COPS5: variants seen among roughly 807,000 people sequenced by gnomAD.
COPS5 encodes COP9 signalosome complex subunit 5.
A neutral mutation model predicts 44.4 loss-of-function variants in COPS5; 8 were observed. The observed-to-expected ratio is 0.18, with a 90% confidence interval of 0.11 to 0.32. The LOEUF is 0.32. Ranked by LOEUF, COPS5 falls within the 10% of genes least tolerant of loss-of-function variation. COPS5 has a pLI of 1.00. For synonymous variants in COPS5, 122 were observed against 142.8 expected (o/e 0.85, Z 1.04); for missense variants, 159 against 406.4 (o/e 0.39, Z 5.23).
chr8:67,057,932 T>C, intron 3 of COPS5, 151 bp downstream of exon 3: 1 of 788,208 alleles, frequency 1.3e-6, no homozygotes. Flanking sequence ...TTGCTCAAAG[T>C]CCCAGCTTCT....
chr8:67,043,198 A>C lies in COPS5; in HGVS notation c.*35T>G. ...AGTGTTACTTGAATATTTTTCTCAT[A>C]CTGTCTTTCAGGTAAAGTACTTCTC... On this transcript the variant is annotated 3_prime_UTR_variant, in exon 8 of 8. Transcript: ENST00000357849. The C allele has an allele frequency of 1.6e-6, 2 of 1,231,536 alleles. No individual in the cohort carries two copies. The highest frequency in any genetic ancestry group is 1.3e-5 in the South Asian group (1 of 77,542). 76.3% of individuals were successfully genotyped at this position (1,231,536 alleles called of 1,614,324 possible).
Position 67,045,852 on chromosome 8 carries a change from G to A in COPS5, c.880C>T (p.Arg294Ter). The A allele has an allele frequency of 6.2e-7, 1 of 1,613,982 alleles. No individual in the cohort carries two copies. Among genetic ancestry groups the A allele is most frequent in the Non-Finnish European group, 8.5e-7 (1 of 1,179,994 alleles). ...TTGGCAAGTTTGTCTTCTGATTTTC[G>A]GTCATGCGTTTCTAAACCCAACATG... ...SFMLGLETHD[R>*]KSEDKLAKAT... is the part of the protein sequence containing the mutation. Residue 294 changes from arginine (R) to a stop codon, truncating the protein, a stop_gained, in exon 7 of 8, where the codon CGA (arginine) becomes TGA (stop). Coordinates refer to ENST00000357849, the MANE Select transcript of COPS5 (RefSeq NM_006837.3). LOFTEE classifies it high-confidence loss of function.
intron 7 of COPS5, chr8:67,044,601 T>G (rs1340813808): frequency 6.6e-6 from 1 of 152,032 alleles, no homozygotes; most frequent in Non-Finnish European, 1.5e-5. Flanking sequence ...TTTCTTTTCT[T>G]TCTTTTTTTT....
chr8:67,053,317 C>G (rs1804447095), intron 5 of COPS5, among the ~76,000 whole-genome samples: 1 of 151,272 alleles, frequency 6.6e-6, no homozygotes, highest in African/African-American at 2.4e-5. Context: ...TCTCGAACTC[C>G]TGACCTCAAG....
chr8:67,047,212 ACAGT>A (rs781042613), intron 6 of COPS5, among the ~76,000 whole-genome samples: 3 of 152,258 alleles, frequency 2.0e-5, no homozygotes, highest in Admixed American at 1.3e-4. Flanking sequence ...GCAAGGAAAG[ACAGT>A]CAGTCACCAA....
intron 6 of COPS5, among the ~76,000 whole-genome samples, chr8:67,048,349 G>T (rs968702550): frequency 6.7e-6 from 1 of 150,206 alleles, no homozygotes; most frequent in African/African-American, 2.4e-5. Context: ...AGGAAAAAAG[G>T]AAAAAAAGAA....
chr8:67,044,310 G>C (rs931796979), intron 7 of COPS5: 1 of 152,024 alleles, frequency 6.6e-6, no homozygotes, highest in African/African-American at 2.4e-5. Flanking sequence ...GCCTCCCAAA[G>C]GGCTGGGATT....
In COPS5 at chr8:67,050,281, G is replaced by A. The variant is rs972455121; in HGVS notation, c.771+949C>T. 7.9e-5 allele frequency among the ~76,000 whole-genome samples: 12 copies of A among 152,278 alleles called. No homozygotes were observed. In the South Asian group the frequency reaches 2.1e-3, roughly 26 times the overall value. The stretch of plus-strand genomic sequence containing the variant: ...CTCCCAAAGTGCTGGGATTACAGGC[G>A]TAAGCCACCGCGCCCGGCCTCTTTT... On this transcript the variant is annotated intron_variant, in intron 6 of 7. Coordinates refer to ENST00000357849, the MANE Select transcript of COPS5 (RefSeq NM_006837.3).
intron 6 of COPS5, 54 bp downstream of exon 6, chr8:67,051,176 G>T: frequency 2.7e-6 from 3 of 1,129,188 alleles, no homozygotes; most frequent in Non-Finnish European, 4.0e-6. Context: ...GATATTAAAC[G>T]GCTATGAAGC....
chr8:67,061,584 T>C (rs553833628), intron 1 of COPS5: 1 of 480,474 alleles, frequency 2.1e-6, no homozygotes, highest in Non-Finnish European at 3.8e-6. Flanking sequence ...GTGTGGCATA[T>C]ATGACAATAC....
chr8:67,061,381 G>A (rs1040199133), intron 1 of COPS5: 2 of 452,958 alleles, frequency 4.4e-6, no homozygotes, highest in African/African-American at 4.0e-5. Flanking sequence ...CTTGAAGGCA[G>A]AAGCTCGAGA....
chr8:67,051,112 A>C, intron 6 of COPS5, 118 bp downstream of exon 6: 1 of 693,364 alleles, frequency 1.4e-6, no homozygotes, highest in Non-Finnish European at 2.6e-6. Flanking sequence ...ATCCCACCCT[A>C]GCCCTGGTGT....
chr8:67,048,167 G>A (rs1257094224), intron 6 of COPS5, among the ~76,000 whole-genome samples: 1 of 151,946 alleles, frequency 6.6e-6, no homozygotes, highest in Non-Finnish European at 1.5e-5. Flanking sequence ...TAGTCAGGAG[G>A]CCGAGGTGGG....
In COPS5 at chr8:67,043,185, A is replaced by G. The variant is rs755400352; in HGVS notation, c.*48T>C. 6.4e-5 allele frequency: 72 copies of G among 1,123,014 alleles called. No homozygotes were observed. The highest frequency in any genetic ancestry group is 8.4e-5 in the Non-Finnish European group (63 of 752,578). The allele number at this position is 1,123,014 out of a possible 1,614,324, so 69.6% of individuals were successfully genotyped here. On this transcript the variant is annotated 3_prime_UTR_variant, in exon 8 of 8. Coordinates refer to ENST00000357849, the MANE Select transcript of COPS5 (RefSeq NM_006837.3). ...TAACTGGTTTTAAAGTGTTACTTGA[A>G]TATTTTTCTCATACTGTCTTTCAGG...
chr8:67,048,270 AAATAAAATAAAAT>A (rs1365529315), intron 6 of COPS5, among the ~76,000 whole-genome samples: 6 of 151,736 alleles, frequency 4.0e-5, no homozygotes, highest in Admixed American at 1.3e-4. Context: ...CCCTGTCTCA[AAATAAAATAAAAT>A]AATAAAATAA....
intron 3 of COPS5, 63 bp from the exon 4 acceptor site, chr8:67,057,508 A>AGGTTTATAATGTT: frequency 2.6e-6 from 3 of 1,155,474 alleles, no homozygotes; most frequent in African/African-American, 1.5e-5. Flanking sequence ...TTTAAACATT[A>AGGTTTATAATGTT]TAAACCTAGA....
chr8:67,050,670 C>T (rs1014185721), intron 6 of COPS5, among the ~76,000 whole-genome samples: 3 of 148,800 alleles, frequency 2.0e-5, no homozygotes, highest in Non-Finnish European at 4.4e-5. Flanking sequence ...GAACATGAAG[C>T]TGAGAGACTT....
chr8:67,061,793 C>G, intron 1 of COPS5, 61 bp downstream of exon 1: 1 of 1,560,914 alleles, frequency 6.4e-7, no homozygotes, highest in South Asian at 1.1e-5. Flanking sequence ...CCCTCTCCCT[C>G]TGGGTCTCTT....
intron 5 of COPS5, among the ~76,000 whole-genome samples, chr8:67,052,371 G>A (rs538925148): frequency 3.3e-5 from 5 of 151,778 alleles, no homozygotes; most frequent in Non-Finnish European, 5.9e-5. Context: ...AAGCTAGAAA[G>A]CTATGCTGGG....
Sources: gnomAD v4.1 joint callset for allele counts (sites outside exome capture counted in the v4.1 genomes callset) on GRCh38, gnomAD v4.1.1 for gene constraint, MANE v1.5 for transcripts, NCBI Gene and HGNC (gene_info 2026-07-23, HGNC 2026-07-21) for gene names.